Variants in ADARB2 observed in about 807,000 individuals in gnomAD.
The protein encoded by ADARB2 is inactive double-stranded RNA-specific editase B2.
Under a neutral mutation model 62.2 loss-of-function variants are expected in ADARB2, and 25 were observed. That is an observed-to-expected ratio of 0.40 (90% CI 0.29 to 0.56). The LOEUF is 0.56. Among genes scored for constraint, ADARB2 ranks in the 20% least tolerant of loss-of-function variants. The pLI is 0.43. For missense variants in ADARB2, 1,071 were observed against 1,077.4 expected, an observed-to-expected ratio of 0.99 and a Z score of 0.08; for synonymous variants, 572 against 500.8, an observed-to-expected ratio of 1.14 and a Z score of -1.90.
At chr10:1,511,507 G>A (rs537057502) in intron 1 of ADARB2, among the ~76,000 whole-genome samples, 5 of 152,096 alleles carry the variant, frequency 3.3e-5, no homozygotes, top group African/African-American at 1.2e-4. Flanking sequence ...TGGGGGGTGG[G>A]GGCAGTGTCA....
chr10:1,568,317 G>A (rs1246421256), intron 1 of ADARB2, among the ~76,000 whole-genome samples: 3 of 152,136 alleles, frequency 2.0e-5, no homozygotes, highest in South Asian at 2.1e-4. Flanking sequence ...AGGGAAGGAA[G>A]GGCTCCTGCA....
intron 1 of ADARB2, among the ~76,000 whole-genome samples, chr10:1,529,608 A>C (rs1832195172): frequency 6.6e-6 from 1 of 152,048 alleles, no homozygotes; most frequent in Non-Finnish European, 1.5e-5. Context: ...TTATCACCAG[A>C]TTCTAAACAT....
chr10:1,582,661 C>G (rs568365629), intron 1 of ADARB2, among the ~76,000 whole-genome samples: 1 of 152,270 alleles, frequency 6.6e-6, no homozygotes, highest in South Asian at 2.1e-4. Context: ...GAACTCAAGC[C>G]ACATCTGCTG....
chr10:1,373,248 T>G (rs1216715437), intron 2 of ADARB2, among the ~76,000 whole-genome samples: 3 of 152,108 alleles, frequency 2.0e-5, no homozygotes, highest in African/African-American at 7.2e-5. Context: ...TCTCTCTGTC[T>G]CTGTGTCTCT....
At chr10:1,242,389 C>T in intron 4 of ADARB2, 90 bp from the exon 5 acceptor site, 2 of 1,425,568 alleles carry the variant, frequency 1.4e-6, no homozygotes, top group South Asian at 1.4e-5. Context: ...ACAGCGGTTT[C>T]CCTGGGTTAG....
intron 1 of ADARB2, among the ~76,000 whole-genome samples, chr10:1,612,291 T>C (rs974217083): frequency 6.6e-6 from 1 of 152,100 alleles, no homozygotes; most frequent in African/African-American, 2.4e-5. Context: ...GTTCCTCAAA[T>C]AGAACACGGG....
chr10:1,471,384 C>T (rs565515567), intron 1 of ADARB2, among the ~76,000 whole-genome samples: 121 of 152,046 alleles, frequency 8.0e-4, no homozygotes, highest in Non-Finnish European at 2.6e-4. Flanking sequence ...TAAGAGCAGA[C>T]CTTTGTACAA....
intron 2 of ADARB2, among the ~76,000 whole-genome samples, chr10:1,377,287 G>A (rs1832441618): frequency 7.2e-6 from 1 of 139,814 alleles, no homozygotes; most frequent in African/African-American, 2.7e-5. Context: ...GTGTGTGTAT[G>A]TGCGTGTGCT....
chr10:1,654,479 C>T (rs116697311), intron 1 of ADARB2, among the ~76,000 whole-genome samples: 3,126 of 152,226 alleles, frequency 0.021, 116 homozygotes, highest in African/African-American at 0.072. Context: ...CCCCTTCCGG[C>T]GTGGTGGTGC....
chr10:1,459,534 G>C (rs866828845), intron 1 of ADARB2, among the ~76,000 whole-genome samples: 3 of 152,210 alleles, frequency 2.0e-5, no homozygotes, highest in Non-Finnish European at 2.9e-5. Context: ...AGGCCAAGGG[G>C]GGGTGGATCA....
intron 1 of ADARB2, among the ~76,000 whole-genome samples, chr10:1,505,222 G>T (rs923294277): frequency 2.0e-5 from 3 of 151,930 alleles, no homozygotes; most frequent in Non-Finnish European, 4.4e-5. Context: ...TGCACACACA[G>T]AAACACACAC....
At chr10:1,678,779 G>A (rs1274229318) in intron 1 of ADARB2, among the ~76,000 whole-genome samples, 4 of 151,884 alleles carry the variant, frequency 2.6e-5, no homozygotes, top group Admixed American at 1.3e-4. Flanking sequence ...TCCACATCTC[G>A]GCTGTTCCAA....
At chr10:1,417,647 G>A (rs1832816218) in intron 1 of ADARB2, among the ~76,000 whole-genome samples, 1 of 152,228 alleles carries the variant, frequency 6.6e-6, no homozygotes, top group African/African-American at 2.4e-5. Context: ...TCTGGGTTCT[G>A]TATTGGTGGC....
rs560527452 is a variant in ADARB2, at chr10:1,523,038, C to T, written c.101-143878G>A. On this transcript the variant is annotated intron_variant, in intron 1 of 9. Transcript: ENST00000381312. ...TACACCCAGCAGACAGATGTGAGTC[C>T]GCTGCTTGGTGACATCATCCTTTTG... Among the ~76,000 whole-genome samples, 17 of 152,248 alleles carry T rather than the reference C, an allele frequency of 1.1e-4. No homozygotes were observed. The South Asian group carries it at 1.5e-3, about 13-fold the overall frequency.
chr10:1,471,612 T>G (rs1831323758), intron 1 of ADARB2, among the ~76,000 whole-genome samples: 1 of 152,086 alleles, frequency 6.6e-6, no homozygotes, highest in South Asian at 2.1e-4. Flanking sequence ...AGGCTGGTCT[T>G]GAACTCCTGA....
At chr10:1,618,929 C>G (rs1354658285) in intron 1 of ADARB2, among the ~76,000 whole-genome samples, 1 of 152,144 alleles carries the variant, frequency 6.6e-6, no homozygotes, top group African/African-American at 2.4e-5. Flanking sequence ...AACCCCTGCC[C>G]CCTGCAGCTT....
At chr10:1,403,035 C>T (rs1832678100) in intron 1 of ADARB2, among the ~76,000 whole-genome samples, 1 of 149,392 alleles carries the variant, frequency 6.7e-6, no homozygotes, top group African/African-American at 2.4e-5. Context: ...GGGGCAGGTG[C>T]GCTCGTGCGC....
rs528625352 is a variant in ADARB2 at position 1,372,869 on chromosome 10, C to A, written c.187+6205G>T. On this transcript the variant is annotated intron_variant, in intron 2 of 9. Coordinates refer to ENST00000381312, the MANE Select transcript of ADARB2 (RefSeq NM_018702.4). ...AGAAACTCATATGCTTACACCAGGG[C>A]AGACGGGGAACACTTGCTATGTTAG... 7.2e-5 allele frequency among the ~76,000 whole-genome samples: 11 copies of A among 152,248 alleles called. No homozygotes were observed. The South Asian group carries it at 1.0e-3, about 14-fold the overall frequency.
chr10:1,726,448 C>T (rs1316934726), intron 1 of ADARB2, among the ~76,000 whole-genome samples: 6 of 152,028 alleles, frequency 3.9e-5, no homozygotes, highest in Admixed American at 2.0e-4. Context: ...GTTCCCTATC[C>T]GATATCCACA....
Sources: gnomAD v4.1 joint callset for allele counts (sites outside exome capture counted in the v4.1 genomes callset) on GRCh38, gnomAD v4.1.1 for gene constraint, MANE v1.5 for transcripts, NCBI Gene and HGNC (gene_info 2026-07-23, HGNC 2026-07-21) for gene names.